The following JPH3 variants were observed in gnomAD, a reference collection of about 807,000 sequenced individuals.
JPH3 encodes the protein junctophilin 3, also known as junctophilin-3.
A neutral mutation model predicts 59.6 loss-of-function variants in JPH3; 11 were observed. The observed-to-expected ratio is 0.18, with a 90% CI of 0.12 to 0.31. JPH3 has a LOEUF of 0.31. Among genes scored for constraint, JPH3 ranks in the 10% least tolerant of loss-of-function variants. The pLI, the probability that JPH3 is intolerant of heterozygous loss-of-function variation, is 1.00. For missense variants in JPH3, 1,202 were observed against 1,105.7 expected (o/e 1.09, Z -1.24); for synonymous variants, 673 against 483.6 (o/e 1.39, Z -5.14).
intron 1 of JPH3, among the ~76,000 whole-genome samples, chr16:87,616,190 T>TTGTGTGTGTGTGTGTGTG (rs56053716): frequency 4.3e-5 from 5 of 116,048 alleles, no homozygotes; most frequent in African/African-American, 1.0e-4. Context: ...CAATCTGGTT[T>TTGTGTGTGTGTGTGTGTG]TGTGTGTGTG....
At chr16:87,631,529 T>C (rs1441748534) in intron 1 of JPH3, among the ~76,000 whole-genome samples, 1 of 152,200 alleles carries the variant, frequency 6.6e-6, no homozygotes, top group African/African-American at 2.4e-5. Context: ...TTAGGGTCTT[T>C]GTCATTTGAG....
At position 87,691,091 on chromosome 16, in the gene JPH3, C is replaced by CCCA. The variant is rs1555543749; in HGVS notation, c.2166+567_2166+568insACC. Among the ~76,000 whole-genome samples the CCCA allele has an allele frequency of 4.6e-3, 684 of 150,046 alleles. 5 individuals are homozygous for CCCA. Among genetic ancestry groups the CCCA allele is most frequent in the African/African-American group, 0.016 (643 of 39,642 alleles). ...CACCGTCAGCCTCACCCAGCACCCC[C>CCCA]CCCCCAAATTCGTTCCTCCAGGGCA... On this transcript the variant is annotated intron_variant, in intron 4 of 4. Coordinates refer to ENST00000284262, the MANE Select transcript of JPH3 (RefSeq NM_020655.4).
chr16:87,661,492 G>A (rs190948815), intron 2 of JPH3, among the ~76,000 whole-genome samples: 1 of 152,378 alleles, frequency 6.6e-6, no homozygotes, highest in Non-Finnish European at 1.5e-5. Context: ...TCTGAGCATG[G>A]GCTGGACTTT....
At chr16:87,686,961 G>A (rs1236759175) in intron 3 of JPH3, among the ~76,000 whole-genome samples, 3 of 152,220 alleles carry the variant, frequency 2.0e-5, no homozygotes, top group African/African-American at 7.2e-5. Context: ...CTCACTCTGA[G>A]CACCTCGGTC....
intron 1 of JPH3, among the ~76,000 whole-genome samples, chr16:87,635,362 G>C (rs191104112): frequency 6.6e-6 from 1 of 152,252 alleles, no homozygotes; most frequent in East Asian, 1.9e-4. Flanking sequence ...TGACGGGTGG[G>C]GCTTCAGAGG....
rs75424003 is a variant in JPH3, at chr16:87,633,156, C to G, written c.383-11102C>G. Among the ~76,000 whole-genome samples the G allele has an allele frequency of 5.1e-3, 775 of 152,246 alleles. 7 individuals carry two copies. Among genetic ancestry groups the G allele is most frequent in the African/African-American group, 0.018 (733 of 41,530 alleles). On this transcript the variant is annotated intron_variant, in intron 1 of 4. Transcript: ENST00000284262. ...GCTTAAACCACAGTTTATTTCCTTGCAGTTCTAAGGCTGGAAGGTCAGGGT... is the reference window on the plus strand; with the variant it reads ...GCTTAAACCACAGTTTATTTCCTTGGAGTTCTAAGGCTGGAAGGTCAGGGT...
At chr16:87,618,054 C>T (rs1343794111) in intron 1 of JPH3, among the ~76,000 whole-genome samples, 5 of 152,098 alleles carry the variant, frequency 3.3e-5, no homozygotes, top group African/African-American at 1.2e-4. Context: ...GTCCCAGCCA[C>T]TCCGGAGGCT....
intron 2 of JPH3, among the ~76,000 whole-genome samples, chr16:87,658,066 C>A (rs1004062387): frequency 1.3e-5 from 2 of 152,194 alleles, no homozygotes; most frequent in Non-Finnish European, 2.9e-5. Context: ...ACAAGATGGT[C>A]TCCTACCCCG....
chr16:87,612,846 G>A (rs559129647), intron 1 of JPH3, among the ~76,000 whole-genome samples: 37 of 151,894 alleles, frequency 2.4e-4, no homozygotes, highest in Non-Finnish European at 2.4e-4. Context: ...GTGAAACCCC[G>A]TCTCTACTAA....
intron 1 of JPH3, among the ~76,000 whole-genome samples, chr16:87,632,924 G>C (rs1413161906): frequency 6.6e-6 from 1 of 152,028 alleles, no homozygotes; most frequent in East Asian, 1.9e-4. Context: ...GTAGAGACAG[G>C]GTCTTGCTGT....
chr16:87,654,406 C>A (rs370722340), intron 2 of JPH3: 1 of 152,318 alleles, frequency 6.6e-6, no homozygotes, highest in African/African-American at 2.4e-5. Flanking sequence ...CAGCTTCCTT[C>A]TCAGCATTCA....
At position 87,696,928 on chromosome 16, in the gene JPH3, C is replaced by T; in HGVS notation, c.*268C>T. On this transcript the variant is annotated 3_prime_UTR_variant, in exon 5 of 5. Transcript: ENST00000284262. ...AGGCCAGCACGCAGCCCCTCCAGCT[C>T]CACGTGGAGACAGAAGGGATCCCGG... 1 of 453,488 alleles carries T rather than the reference C, an allele frequency of 2.2e-6. No homozygotes were observed. Among genetic ancestry groups the T allele is most frequent in the Non-Finnish European group, 4.1e-6 (1 of 245,372 alleles). 28.1% of individuals were successfully genotyped at this position (453,488 alleles called of 1,614,324 possible). A position where few individuals can be genotyped will look rare whatever the true frequency, so the allele number is the denominator to read the frequency against.
At chr16:87,626,944 C>T (rs535463697) in intron 1 of JPH3, among the ~76,000 whole-genome samples, 57 of 152,288 alleles carry the variant, frequency 3.7e-4, no homozygotes, top group Non-Finnish European at 4.7e-4. Flanking sequence ...AGTTCAAGAC[C>T]AGCCTGGACA....
rs550725615 is a variant in JPH3, at chr16:87,639,547, C to T, written c.383-4711C>T. Among the ~76,000 whole-genome samples the T allele has an allele frequency of 2.0e-5, 3 of 152,330 alleles. No individual in the cohort carries two copies. In the South Asian group the frequency reaches 6.2e-4, roughly 32 times the overall value. On this transcript the variant is annotated intron_variant, in intron 1 of 4. Coordinates refer to ENST00000284262, the MANE Select transcript of JPH3 (RefSeq NM_020655.4). ...CACCAGAACTTTTCCATCTCCAGAA[C>T]TTTCTCATCTTCCCAAACCGAAACT...
chr16:87,639,218 G>T (rs56890289), intron 1 of JPH3, among the ~76,000 whole-genome samples: 1 of 152,080 alleles, frequency 6.6e-6, no homozygotes, highest in Non-Finnish European at 1.5e-5. Context: ...CCCTCCCCTC[G>T]TTGCAGATGA....
intron 1 of JPH3, among the ~76,000 whole-genome samples, chr16:87,621,891 A>C (rs2031198578): frequency 6.6e-6 from 1 of 152,180 alleles, no homozygotes; most frequent in Non-Finnish European, 1.5e-5. Flanking sequence ...GACCTGCACC[A>C]AAATAATGCG....
At position 87,655,478 on chromosome 16, in the gene JPH3, T is replaced by C. The variant is rs540728645; in HGVS notation, c.1160+10443T>C. ...AAACGATCCTCCCACCTCAGCCTCC[T>C]GAGTAGCTGGGACCGCAGCCGTGCA... is the stretch of plus-strand genomic sequence containing the variant. On this transcript the variant is annotated intron_variant, in intron 2 of 4. Coordinates refer to ENST00000284262, the MANE Select transcript of JPH3 (RefSeq NM_020655.4). 1.9e-4 allele frequency among the ~76,000 whole-genome samples: 29 copies of C among 152,242 alleles called. No homozygotes were observed. In the South Asian group the frequency reaches 4.4e-3, roughly 23 times the overall value.
chr16:87,690,834 A>G (rs573838345), intron 4 of JPH3, among the ~76,000 whole-genome samples: 2 of 152,354 alleles, frequency 1.3e-5, no homozygotes, highest in African/African-American at 4.8e-5. Flanking sequence ...GCTCAACCCC[A>G]GCTGCTCCAA....
At chr16:87,683,986 T>G (rs1009964851) in intron 2 of JPH3, 156 bp from the exon 3 acceptor site, 2 of 612,860 alleles carry the variant, frequency 3.3e-6, no homozygotes, top group African/African-American at 3.7e-5. Flanking sequence ...AATGAATGAA[T>G]GAACGAACAA....
Sources: allele counts gnomAD v4.1 joint callset (sites outside exome capture counted in the v4.1 genomes callset), GRCh38; gene constraint gnomAD v4.1.1; transcripts MANE v1.5; gene names NCBI Gene and HGNC (gene_info 2026-07-23, HGNC 2026-07-21).